Variants in LIG4 observed in about 807,000 individuals in gnomAD.
LIG4 encodes DNA joinase.
Under a neutral mutation model 19.0 loss-of-function variants are expected in LIG4, and 13 were observed. That is an observed-to-expected ratio of 0.68 (90% CI 0.44 to 1.09). The LOEUF is 1.09. Ranked by LOEUF, LIG4 falls within the 50% of genes least tolerant of loss-of-function variation. The pLI, the probability that LIG4 is intolerant of heterozygous loss-of-function variation, is 0.00. For synonymous variants in LIG4, 361 were observed against 358.2 expected (o/e 1.01, Z -0.09); for missense variants, 1,026 against 1,089.7 (o/e 0.94, Z 0.82).
At position 108,208,892 on chromosome 13, in the gene LIG4, C is replaced by A; in HGVS notation, c.2377G>T (p.Ala793Ser). The change falls in exon 3 of 3, where the codon GCT becomes TCT. Residue 793 changes from alanine to serine, a missense_variant. By Grantham distance (99) the Ala-to-Ser change is moderately conservative. Around this residue, in one of 3 missense-constraint regions of LIG4, gnomAD observed 521 missense variants for 515.5 expected, o/e 1.01. Transcript: ENST00000442234. ...NSNEQTPEEM[A>S]SLIADLEYRY... Reference sequence around the variant, plus strand: ...TATTCTAAATCAGCAATCAGAGAAGCCATTTCTTCAGGAGTCTGCTCGTTA... The same window carrying A: ...TATTCTAAATCAGCAATCAGAGAAGACATTTCTTCAGGAGTCTGCTCGTTA... 6.2e-7 allele frequency: 1 copy of A among 1,614,088 alleles called. No individual in the cohort carries two copies. The highest frequency in any genetic ancestry group is 8.5e-7 in the Non-Finnish European group (1 of 1,179,986).
chr13:108,216,514 C>T (rs3809347), upstream of LIG4, among the ~76,000 whole-genome samples: 3,294 of 152,258 alleles, frequency 0.022, 135 homozygotes, highest in Admixed American at 0.11. Context: ...GCGGAGGTTC[C>T]GTCTAGCCCA....
At position 108,208,508 on chromosome 13, in the gene LIG4, G is replaced by A. The variant is rs1194452184; in HGVS notation, c.*25C>T. The A allele has an allele frequency of 2.7e-6, 4 of 1,457,870 alleles. No individual in the cohort carries two copies. Among genetic ancestry groups the A allele is most frequent in the African/African-American group, 1.4e-5 (1 of 71,820 alleles). 90.3% of individuals were successfully genotyped at this position (1,457,870 alleles called of 1,614,324 possible). On this transcript the variant is annotated 3_prime_UTR_variant, in exon 3 of 3. Transcript: ENST00000442234. The stretch of plus-strand genomic sequence containing the variant: ...CTGCAATGAGTCTGCCAGATCAGAG[G>A]CTTTCCTCACTAGGAAACCTAGCTT...
rs1022365731 is a variant in LIG4 at position 108,211,598 on chromosome 13, T to C, written c.-28-302A>G. 5.9e-5 allele frequency among the ~76,000 whole-genome samples: 9 copies of C among 152,338 alleles called. No individual in the cohort carries two copies. The South Asian group carries it at 1.9e-3, about 32-fold the overall frequency. The stretch of plus-strand genomic sequence containing the variant: ...AATTCCAGTTATTCTATGTATTAAT[T>C]ATTTAGCACATAATACAAACAAATA... On this transcript the variant is annotated intron_variant, in intron 2 of 2. Transcript: ENST00000442234.
chr13:108,211,991 C>A (rs758814124), intron 2 of LIG4, among the ~76,000 whole-genome samples: 63 of 152,056 alleles, frequency 4.1e-4, no homozygotes, highest in Non-Finnish European at 8.8e-5. Context: ...CCCATAAAAT[C>A]CTCACTTTAT....
chr13:108,208,329 T>C lies in LIG4; in HGVS notation c.*204A>G, dbSNP rs3093769. ...TCATAAAAAATCATTGAATACTACA[T>C]TCAAGATAATTTTTCTTTCTTGGCT... On this transcript the variant is annotated 3_prime_UTR_variant, in exon 3 of 3. Transcript: ENST00000442234. 0.012 allele frequency: 5,976 copies of C among 510,586 alleles called. 307 individuals carry two copies. Among genetic ancestry groups the C allele is most frequent in the African/African-American group, 0.1 (5,456 of 52,216 alleles). The allele number at this position is 510,586 out of a possible 1,614,324, so 31.6% of individuals were successfully genotyped here.
Position 108,208,602 on chromosome 13 carries a change from T to C in LIG4, c.2667A>G (p.Leu889=), listed in dbSNP as rs1365596354. 2 of 1,613,236 alleles carry C rather than the reference T, an allele frequency of 1.2e-6. No individual in the cohort carries two copies. Among genetic ancestry groups the C allele is most frequent in the African/African-American group, 2.7e-5 (2 of 74,820 alleles). The part of the protein sequence containing the change: ...RRTFKRKFKI[L]KESWVTDSID... ...TTGAATCAGTTACCCAACTTTCTTTTAGGATTTTAAACTTTCTCTTAAAAG... is the reference window on the plus strand; with the variant it reads ...TTGAATCAGTTACCCAACTTTCTTTCAGGATTTTAAACTTTCTCTTAAAAG... The change falls in exon 3 of 3, where the codon CTA becomes CTG. Residue 889 remains leucine, a synonymous_variant. Coordinates refer to ENST00000442234, the MANE Select transcript of LIG4 (RefSeq NM_206937.2).
upstream of LIG4, chr13:108,218,099 A>G (rs1044679264): frequency 6.6e-6 from 1 of 152,264 alleles, no homozygotes; most frequent in Non-Finnish European, 1.5e-5. Context: ...AGCGCTTTAA[A>G]TCGTGGACCT....
upstream of LIG4, among the ~76,000 whole-genome samples, chr13:108,216,444 T>C (rs2139000935): frequency 6.6e-6 from 1 of 152,380 alleles, no homozygotes; most frequent in Non-Finnish European, 1.5e-5. Context: ...TTAGAGGTTG[T>C]GTAATGTATA....
At position 108,210,732 on chromosome 13, in the gene LIG4, T is replaced by C; in HGVS notation, c.537A>G (p.Ser179=). 3 of 1,614,044 alleles carry C rather than the reference T, an allele frequency of 1.9e-6. No homozygotes were observed. Among genetic ancestry groups the C allele is most frequent in the Non-Finnish European group, 2.5e-6 (3 of 1,179,974 alleles). Residue 179 remains serine, a synonymous_variant, in exon 3 of 3, where the codon TCA becomes TCG. Transcript: ENST00000442234. ...KSLLQLITQS[S]ALEQKWLIRM... ...GTATAAGCCACTTTTGCTCAAGTGC[T>C]GAACTCTGAGTTATAAGTTGAAGAA...
Position 108,210,837 on chromosome 13 carries a change from G to A in LIG4, c.432C>T (p.Thr144=). ...KPRCLQKGSL[T]IQQVNDLLDS... is the part of the protein sequence containing the mutation. Reference sequence around the variant, plus strand: ...CTAAAAGGTCGTTTACTTGCTGTATGGTTAAACTTCCTTTCTGTAAACATC... The same window carrying A: ...CTAAAAGGTCGTTTACTTGCTGTATAGTTAAACTTCCTTTCTGTAAACATC... The change falls in exon 3 of 3, where the codon ACC becomes ACT. Residue 144 remains threonine (T), a synonymous_variant. Coordinates refer to ENST00000442234, the MANE Select transcript of LIG4 (RefSeq NM_206937.2). The A allele has an allele frequency of 6.2e-7, 1 of 1,613,890 alleles. No homozygotes were observed. Among genetic ancestry groups the A allele is most frequent in the East Asian group, 2.2e-5 (1 of 44,866 alleles).
intron 2 of LIG4, among the ~76,000 whole-genome samples, chr13:108,213,885 T>G (rs1328196987): frequency 1.3e-5 from 2 of 152,238 alleles, no homozygotes; most frequent in African/African-American, 4.8e-5. Context: ...TAGTAAGTCT[T>G]GATAATTTTA....
upstream of LIG4, chr13:108,218,270 G>T (rs1331412768): frequency 6.6e-6 from 1 of 152,292 alleles, no homozygotes; most frequent in Non-Finnish European, 1.5e-5. Context: ...CTCGGAGGAG[G>T]GTGGAAGGCC....
In LIG4 at chr13:108,208,505, G is replaced by T; in HGVS notation, c.*28C>A. 1 of 1,433,052 alleles carries T rather than the reference G, an allele frequency of 7.0e-7. No homozygotes were observed. Among genetic ancestry groups the T allele is most frequent in the Non-Finnish European group, 9.8e-7 (1 of 1,018,250 alleles). 88.8% of individuals were successfully genotyped at this position (1,433,052 alleles called of 1,614,324 possible). A position where few individuals can be genotyped will look rare whatever the true frequency, so the allele number is the denominator to read the frequency against. Reference sequence around the variant, plus strand: ...CTGCTGCAATGAGTCTGCCAGATCAGAGGCTTTCCTCACTAGGAAACCTAG... The same window carrying T: ...CTGCTGCAATGAGTCTGCCAGATCATAGGCTTTCCTCACTAGGAAACCTAG... On this transcript the variant is annotated 3_prime_UTR_variant, in exon 3 of 3. Coordinates refer to ENST00000442234, the MANE Select transcript of LIG4 (RefSeq NM_206937.2).
chr13:108,211,493 GTTA>G (rs1380149156), intron 2 of LIG4, among the ~76,000 whole-genome samples, 197 bp from the exon 3 acceptor site: 1 of 152,028 alleles, frequency 6.6e-6, no homozygotes, highest in African/African-American at 2.4e-5. Context: ...CTAATTTGAA[GTTA>G]TTATGAAAAG....
Position 108,209,986 on chromosome 13 carries a change from C to T in LIG4, c.1283G>A (p.Gly428Glu). ...GGATAGAGGTTGTTTTACCATAATT[C>T]CCTCTTCTCTTTTATCTATTGCTTC... ...LNEAIDKREE[G>E]IMVKQPLSIY... The change falls in exon 3 of 3, where the codon GGA (glycine) becomes GAA (glutamate). Residue 428 changes from glycine (G) to glutamate (E), a missense_variant. Gly to Glu is a moderately conservative substitution (Grantham distance 98, BLOSUM62 -2). Around this residue, in one of 3 missense-constraint regions of LIG4, gnomAD observed 493 missense variants for 544.5 expected, o/e 0.91. Transcript: ENST00000442234. 1 of 1,612,654 alleles carries T rather than the reference C, an allele frequency of 6.2e-7. No homozygotes were observed. The highest frequency in any genetic ancestry group is 8.5e-7 in the Non-Finnish European group (1 of 1,179,910).
In LIG4 at chr13:108,208,899, T is replaced by A; in HGVS notation, c.2370A>T (p.Glu790Asp). 6.2e-7 allele frequency: 1 copy of A among 1,614,160 alleles called. No homozygotes were observed. The part of the protein sequence containing the change: ...GIKNSNEQTP[E>D]EMASLIADLE... ...AATCAGCAATCAGAGAAGCCATTTC[T>A]TCAGGAGTCTGCTCGTTAGAATTTT... The change falls in exon 3 of 3, where the codon GAA becomes GAT. Residue 790 changes from glutamate to aspartate, a missense_variant. Around this residue, in one of 3 missense-constraint regions of LIG4, gnomAD observed 521 missense variants for 515.5 expected, o/e 1.01. Coordinates refer to ENST00000442234, the MANE Select transcript of LIG4 (RefSeq NM_206937.2).
rs778050176 is a variant in LIG4 at position 108,209,159 on chromosome 13, A to G, written c.2110T>C (p.Ser704Pro). ...GPDTYCVIAGSENIRVKNIIL... is the reference protein window; with the variant it reads ...GPDTYCVIAGPENIRVKNIIL... Reference sequence around the variant, plus strand: ...ATGTTTTTCACTCTGATGTTCTCAGACCCTGCAATTACACAGTACGTGTCT... The same window carrying G: ...ATGTTTTTCACTCTGATGTTCTCAGGCCCTGCAATTACACAGTACGTGTCT... The change falls in exon 3 of 3, where the codon TCT (serine) becomes CCT (proline). Residue 704 changes from serine to proline, a missense_variant. Physicochemically the swap from Ser to Pro is moderately conservative, Grantham distance 74. Transcript: ENST00000442234. 6.2e-7 allele frequency: 1 copy of G among 1,614,146 alleles called. No individual in the cohort carries two copies.
Position 108,210,054 on chromosome 13 carries a change from T to C in LIG4, c.1215A>G (p.Lys405=), listed in dbSNP as rs1417461102. The C allele has an allele frequency of 6.2e-7, 1 of 1,612,662 alleles. No homozygotes were observed. The highest frequency in any genetic ancestry group is 8.5e-7 in the Non-Finnish European group (1 of 1,179,976). The change falls in exon 3 of 3, where the codon AAA becomes AAG. Residue 405 remains lysine (K), a synonymous_variant. Transcript: ENST00000442234. ...CTTCATTCTTAGTATGAGCTTGTGT[T>C]TTCTGCACTATTTCTATTCTACCTG... ...PIPGRIEIVQ[K]TQAHTKNEVI...
At position 108,208,393 on chromosome 13, in the gene LIG4, T is replaced by C. The variant is rs1206091965; in HGVS notation, c.*140A>G. On this transcript the variant is annotated 3_prime_UTR_variant, in exon 3 of 3. Coordinates refer to ENST00000442234, the MANE Select transcript of LIG4 (RefSeq NM_206937.2). ...TTTTCAACCTTAAAAGTTAAAATTA[T>C]TGTTTTCCTATATGTAATGATACTT... 10 of 635,026 alleles carry C rather than the reference T, an allele frequency of 1.6e-5. No individual in the cohort carries two copies. Among genetic ancestry groups the C allele is most frequent in the Admixed American group, 6.1e-5 (2 of 32,550 alleles). The allele number at this position is 635,026 out of a possible 1,614,324, so 39.3% of individuals were successfully genotyped here. A position where few individuals can be genotyped will look rare whatever the true frequency, so the allele number is the denominator to read the frequency against.
Sources: gnomAD v4.1 joint callset for allele counts (sites outside exome capture counted in the v4.1 genomes callset) on GRCh38, gnomAD v4.1.1 for gene constraint, gnomAD v4.1.1 regional missense constraint, MANE v1.5 for transcripts, NCBI Gene and HGNC (gene_info 2026-07-23, HGNC 2026-07-21) for gene names.